The following PRKCZ variants were observed in gnomAD, a reference collection of about 807,000 sequenced individuals.
The protein encoded by PRKCZ is protein kinase C zeta, also known as protein kinase C zeta type.
In PRKCZ, 33 loss-of-function variants were observed where a neutral mutation model predicts 79.5. The observed-to-expected ratio is 0.41, with a 90% CI of 0.31 to 0.55. The LOEUF is 0.55. Ranked by LOEUF, PRKCZ falls within the 20% of genes least tolerant of loss-of-function variation. The pLI is 0.19. For synonymous variants in PRKCZ, 342 were observed against 320.9 expected, an observed-to-expected ratio of 1.07 and a Z score of -0.70; for missense variants, 578 against 813.5, an observed-to-expected ratio of 0.71 and a Z score of 3.52.
chr1:2,088,395 A>G (rs1664906948), intron 4 of PRKCZ, among the ~76,000 whole-genome samples: 1 of 152,102 alleles, frequency 6.6e-6, no homozygotes, highest in Non-Finnish European at 1.5e-5. Context: ...CTGGGAACCA[A>G]ATCCCTCAGC....
intron 4 of PRKCZ, among the ~76,000 whole-genome samples, chr1:2,086,049 A>G (rs1209564456): frequency 7.2e-6 from 1 of 139,042 alleles, no homozygotes; most frequent in Non-Finnish European, 1.5e-5. Flanking sequence ...TGGGTTTATT[A>G]TCATCCTTTT....
rs895542761 is a variant in PRKCZ at position 2,082,799 on chromosome 1, G to T, written c.334+23208G>T. On this transcript the variant is annotated intron_variant, in intron 4 of 17. Transcript: ENST00000378567. This position sits in a 1 kb window ranked among gnomAD's most constrained non-coding sequence, Gnocchi z 4.4. ...AGGACACCTGTCCTCCTTCACAGGG[G>T]CACTCCGGATGTAGTAGCAGGGAGA... Among the ~76,000 whole-genome samples, 2 of 152,010 alleles carry T rather than the reference G, an allele frequency of 1.3e-5. No homozygotes were observed. The highest frequency in any genetic ancestry group is 4.8e-5 in the African/African-American group (2 of 41,382).
intron 4 of PRKCZ, among the ~76,000 whole-genome samples, chr1:2,126,122 G>C (rs548657710): frequency 2.0e-5 from 3 of 152,250 alleles, no homozygotes; most frequent in Admixed American, 1.3e-4. Context: ...CTGCCACCTA[G>C]TGTGTTCCCG....
Position 2,124,155 on chromosome 1 carries a change from C to T in PRKCZ, c.335-11107C>T, listed in dbSNP as rs867530472. On this transcript the variant is annotated intron_variant, in intron 4 of 17. Coordinates refer to ENST00000378567, the MANE Select transcript of PRKCZ (RefSeq NM_002744.6). Reference sequence around the variant, plus strand: ...GTCACGGTGGTGGTTAGGGTCACGGCGGTGGTTAGGGTCACGGCGGTGGTT... The same window carrying T: ...GTCACGGTGGTGGTTAGGGTCACGGTGGTGGTTAGGGTCACGGCGGTGGTT... 1.2e-3 allele frequency among the ~76,000 whole-genome samples: 4 copies of T among 3,334 alleles called. 1 individual carries two copies. The highest frequency in any genetic ancestry group is 0.012 in the East Asian group (1 of 82). 2.2% of individuals were successfully genotyped at this position (3,334 alleles called of 152,430 possible).
intron 4 of PRKCZ, among the ~76,000 whole-genome samples, chr1:2,090,521 G>C (rs1008446131): frequency 1.3e-5 from 2 of 152,212 alleles, no homozygotes; most frequent in Non-Finnish European, 2.9e-5. Context: ...GCTCCTTCCA[G>C]GAGCTTAAGG....
intron 16 of PRKCZ, among the ~76,000 whole-genome samples, chr1:2,175,978 A>G (rs1451106901): frequency 6.6e-6 from 1 of 152,116 alleles, no homozygotes; most frequent in African/African-American, 2.4e-5. Context: ...GGCCGGTTTT[A>G]TCAGCAGTTA....
rs2102521903 is a variant in PRKCZ, at chr1:2,094,930, C to T, written c.334+35339C>T. 6.6e-6 allele frequency among the ~76,000 whole-genome samples: 1 copy of T among 152,306 alleles called. No homozygotes were observed. The highest frequency in any genetic ancestry group is 1.9e-4 in the East Asian group (1 of 5,178). ...AAAAAGCCCTGCCCTGGGTTCCCTG[C>T]TCCATGCCAGTTCTCTCCCTGCCCC... On this transcript the variant is annotated intron_variant, in intron 4 of 17. Coordinates refer to ENST00000378567, the MANE Select transcript of PRKCZ (RefSeq NM_002744.6). This position sits in a 1 kb window ranked among gnomAD's most constrained non-coding sequence, Gnocchi z 7.3.
At chr1:2,109,684 A>C (rs573484308) in intron 4 of PRKCZ, among the ~76,000 whole-genome samples, 1 of 152,306 alleles carries the variant, frequency 6.6e-6, no homozygotes, top group South Asian at 2.1e-4. Flanking sequence ...AGTGTCCGGA[A>C]GGCGGTGCTA....
At chr1:2,132,441 C>T (rs1481493937) in intron 4 of PRKCZ, among the ~76,000 whole-genome samples, 11 of 152,206 alleles carry the variant, frequency 7.2e-5, no homozygotes, top group Admixed American at 7.2e-4. Flanking sequence ...AGCTGCGAGG[C>T]TCTCCCAGAG....
intron 10 of PRKCZ, 119 bp from the exon 11 acceptor site, chr1:2,169,399 T>G (rs1402850779): frequency 1.2e-6 from 1 of 862,710 alleles, no homozygotes; most frequent in Non-Finnish European, 1.9e-6. Context: ...CTTTGCTCTT[T>G]GCAAGACTGA....
intron 4 of PRKCZ, among the ~76,000 whole-genome samples, chr1:2,085,595 G>A (rs1664354650): frequency 2.0e-5 from 3 of 152,198 alleles, no homozygotes; most frequent in Non-Finnish European, 4.4e-5. Context: ...AGGATATGGG[G>A]GGCCCTGTTC....
At chr1:2,063,482 T>G (rs1210428361) in intron 4 of PRKCZ, among the ~76,000 whole-genome samples, 1 of 151,976 alleles carries the variant, frequency 6.6e-6, no homozygotes, top group Non-Finnish European at 1.5e-5. Context: ...CCAGCTAATT[T>G]TTGTACTTTT....
chr1:2,086,829 G>A (rs943695282), intron 4 of PRKCZ, among the ~76,000 whole-genome samples: 1 of 152,180 alleles, frequency 6.6e-6, no homozygotes, highest in Admixed American at 6.5e-5. Flanking sequence ...CTCTGCCTTC[G>A]AATGCGGATG....
chr1:2,055,545 A>G lies in PRKCZ; in HGVS notation c.176A>G (p.Lys59Arg), dbSNP rs1369152016. Residue 59 changes from lysine to arginine, a missense_variant, in exon 2 of 18, where the codon AAG (lysine) becomes AGG (arginine). Lys to Arg is a conservative substitution (Grantham distance 26). Around this residue, in one of 4 missense-constraint regions of PRKCZ, gnomAD observed 228 missense variants for 211.6 expected, o/e 1.08. Transcript: ENST00000378567. ...CACCAGCAGCACCCGCTCACCCTCA[A>G]GTGGGTGGACAGCGAAGGTAGCCCT... ...RLHQQHPLTLKWVDSEGDPCT... is the reference protein window; with the variant it reads ...RLHQQHPLTLRWVDSEGDPCT... 6.2e-7 allele frequency: 1 copy of G among 1,613,726 alleles called. No homozygotes were observed. Among genetic ancestry groups the G allele is most frequent in the African/African-American group, 1.3e-5 (1 of 74,902 alleles).
intron 4 of PRKCZ, among the ~76,000 whole-genome samples, chr1:2,120,304 T>TTG (rs1671625905): frequency 1.6e-5 from 2 of 128,146 alleles, no homozygotes; most frequent in Non-Finnish European, 3.3e-5. Context: ...TTTTTTTTTT[T>TTG]TTTTTTTTTT....
chr1:2,105,651 C>T (rs1668268163), intron 4 of PRKCZ, among the ~76,000 whole-genome samples: 1 of 152,218 alleles, frequency 6.6e-6, no homozygotes, highest in Admixed American at 6.5e-5. Context: ...CCACCCACCT[C>T]AGCCTCCCAA....
In PRKCZ at chr1:2,165,229, C is replaced by G. The variant is rs1234712923; in HGVS notation, c.975-4289C>G. Reference sequence around the variant, plus strand: ...TCAGAGCTTTAATGTCCGTCCTGCTCTCCGAGTCAGGAATCTGATTTTCCA... The same window carrying G: ...TCAGAGCTTTAATGTCCGTCCTGCTGTCCGAGTCAGGAATCTGATTTTCCA... On this transcript the variant is annotated intron_variant, in intron 10 of 17. Coordinates refer to ENST00000378567, the MANE Select transcript of PRKCZ (RefSeq NM_002744.6). This position sits in a 1 kb window ranked among gnomAD's most constrained non-coding sequence, Gnocchi z 4.1. 6.6e-6 allele frequency among the ~76,000 whole-genome samples: 1 copy of G among 152,228 alleles called. No homozygotes were observed. The highest frequency in any genetic ancestry group is 1.5e-5 in the Non-Finnish European group (1 of 68,048).
At chr1:2,148,646 T>C (rs1679219812) in intron 7 of PRKCZ, among the ~76,000 whole-genome samples, 1 of 152,242 alleles carries the variant, frequency 6.6e-6, no homozygotes, top group African/African-American at 2.4e-5. Context: ...TGGGGACGTA[T>C]GTCACGAATG....
chr1:2,126,189 T>G (rs568826350), intron 4 of PRKCZ, among the ~76,000 whole-genome samples: 2 of 152,320 alleles, frequency 1.3e-5, no homozygotes, highest in South Asian at 2.1e-4. Flanking sequence ...CCAAGGCCTG[T>G]CAGCTTCCTC....
Sources: gnomAD v4.1 joint callset for allele counts (sites outside exome capture counted in the v4.1 genomes callset) on GRCh38, gnomAD v4.1.1 for gene constraint, gnomAD v4.1.1 regional missense constraint, Gnocchi (gnomAD v3.1) non-coding constraint, MANE v1.5 for transcripts, NCBI Gene and HGNC (gene_info 2026-07-23, HGNC 2026-07-21) for gene names.